COL22A1: variants seen among roughly 807,000 people sequenced by gnomAD.
COL22A1 encodes collagen type XXII alpha 1 chain, also known as collagen alpha-1(XXII) chain.
In COL22A1, 221 loss-of-function variants were observed where a neutral mutation model predicts 248.9. The observed-to-expected ratio is 0.89, with a 90% CI of 0.80 to 0.99. The LOEUF (loss-of-function observed/expected upper bound fraction) is 0.99. Among genes scored for constraint, COL22A1 ranks in the 50% least tolerant of loss-of-function variants. The pLI is 0.00. For synonymous variants in COL22A1, 891 were observed against 793.4 expected, an observed-to-expected ratio of 1.12 and a Z score of -2.07; for missense variants, 2,240 against 2,179.0, an observed-to-expected ratio of 1.03 and a Z score of -0.56.
Position 138,755,171 on chromosome 8 carries a change from G to A in COL22A1, c.2017C>T (p.Pro673Ser). Residue 673 changes from proline to serine, a missense_variant, in exon 21 of 65, where the codon CCT (proline) becomes TCT (serine). Physicochemically the swap from Pro to Ser is moderately conservative, Grantham distance 74. Transcript: ENST00000303045. Reference protein sequence around the residue: ...GPRGHQGAPGPPGARGPIGPE... With the variant: ...GPRGHQGAPGSPGARGPIGPE... ...GGACAACTTACCCGAGCTCCTGGAG[G>A]ACCGGGGGCGCCTTGGTGACCTCTG... 1 of 1,614,124 alleles carries A rather than the reference G, an allele frequency of 6.2e-7. No homozygotes were observed. Among genetic ancestry groups the A allele is most frequent in the Non-Finnish European group, 8.5e-7 (1 of 1,179,996 alleles).
At chr8:138,652,919 G>A (rs1822890073) in intron 45 of COL22A1, among the ~76,000 whole-genome samples, 1 of 151,360 alleles carries the variant, frequency 6.6e-6, no homozygotes, top group African/African-American at 2.4e-5. Context: ...ACTAATTTTT[G>A]TATTTTTAGT....
chr8:138,769,105 G>C (rs1586697343), intron 16 of COL22A1, among the ~76,000 whole-genome samples: 1 of 151,954 alleles, frequency 6.6e-6, no homozygotes, highest in East Asian at 1.9e-4. Flanking sequence ...GGCTCTCCTT[G>C]TCCTATACTT....
intron 46 of COL22A1, among the ~76,000 whole-genome samples, chr8:138,648,132 A>T (rs1822370526): frequency 6.6e-6 from 1 of 152,382 alleles, no homozygotes; most frequent in Admixed American, 6.5e-5. Flanking sequence ...TAAGCTGATC[A>T]CCAGGAGAAT....
chr8:138,758,227 C>G (rs1833185373), intron 18 of COL22A1, among the ~76,000 whole-genome samples: 1 of 152,188 alleles, frequency 6.6e-6, no homozygotes, highest in Non-Finnish European at 1.5e-5. Context: ...TTCTCCAGCA[C>G]CAGTGGACCC....
chr8:138,883,122 C>T lies in COL22A1; in HGVS notation c.51G>A (p.Leu17=). Residue 17 remains leucine, a synonymous_variant, in exon 2 of 65, where the codon CTG becomes CTA. Coordinates refer to ENST00000303045, the MANE Select transcript of COL22A1 (RefSeq NM_152888.3). ...GGCAGCCGCCGCCCCCACTCCACAG[C>T]AGCAGCATCCAGAGGAGGCCAGCCA... is the stretch of plus-strand genomic sequence containing the variant. ...NAVAGLLWML[L]LWSGGGGCQA... is the part of the protein sequence containing the mutation. 1 of 1,599,016 alleles carries T rather than the reference C, an allele frequency of 6.3e-7. No individual in the cohort carries two copies. The highest frequency in any genetic ancestry group is 8.5e-7 in the Non-Finnish European group (1 of 1,173,820).
intron 18 of COL22A1, among the ~76,000 whole-genome samples, chr8:138,757,534 T>G (rs1056049021): frequency 5.9e-5 from 9 of 152,154 alleles, no homozygotes; most frequent in African/African-American, 2.2e-4. Context: ...TTAATTACTC[T>G]CAACTCACCA....
intron 32 of COL22A1, among the ~76,000 whole-genome samples, chr8:138,698,381 C>A (rs1564210668): frequency 6.6e-6 from 1 of 152,210 alleles, no homozygotes; most frequent in African/African-American, 2.4e-5. Flanking sequence ...CCTAGCACCT[C>A]TGAGCTGCAG....
intron 50 of COL22A1, among the ~76,000 whole-genome samples, chr8:138,627,421 G>A (rs1820334127): frequency 6.6e-6 from 1 of 152,026 alleles, no homozygotes; most frequent in Admixed American, 6.5e-5. Context: ...TTTGCTAATT[G>A]GTTCTTTATG....
At chr8:138,691,947 T>C (rs1827001711) in intron 35 of COL22A1, among the ~76,000 whole-genome samples, 1 of 95,950 alleles carries the variant, frequency 1.0e-5, no homozygotes, top group Non-Finnish European at 2.0e-5. Context: ...TGTACGTGTG[T>C]GCATGTTTGT....
intron 5 of COL22A1, among the ~76,000 whole-genome samples, chr8:138,829,413 T>TGTTTTG (rs1006963277): frequency 7.1e-6 from 1 of 140,108 alleles, no homozygotes; most frequent in African/African-American, 2.6e-5. Context: ...GTTTTTTTTT[T>TGTTTTG]TTTTTTTTTT....
intron 16 of COL22A1, among the ~76,000 whole-genome samples, chr8:138,764,047 C>T (rs1198030079): frequency 6.6e-6 from 1 of 152,178 alleles, no homozygotes; most frequent in Admixed American, 6.5e-5. Flanking sequence ...TCTTTATAAC[C>T]TCATTTCCCA....
At chr8:138,722,860 G>GC (rs1829994619) in intron 25 of COL22A1, among the ~76,000 whole-genome samples, 1 of 90,138 alleles carries the variant, frequency 1.1e-5, no homozygotes, top group African/African-American at 4.0e-5. Context: ...CGGGGGGGGG[G>GC]TGGTGGAAAA....
At chr8:138,680,195 G>T (rs1235479558) in intron 39 of COL22A1, among the ~76,000 whole-genome samples, 1 of 152,244 alleles carries the variant, frequency 6.6e-6, no homozygotes, top group Non-Finnish European at 1.5e-5. Context: ...CGGTAGCACA[G>T]TGTCCAAGGA....
chr8:138,796,883 T>C, intron 11 of COL22A1, 26 bp from the exon 12 acceptor site: 1 of 1,503,124 alleles, frequency 6.7e-7, no homozygotes, highest in East Asian at 2.2e-5. Context: ...AAGGCAAAGA[T>C]TCACTACAGA....
chr8:138,637,452 G>T (rs78222912), intron 47 of COL22A1, among the ~76,000 whole-genome samples: 1 of 152,114 alleles, frequency 6.6e-6, no homozygotes, highest in African/African-American at 2.4e-5. Context: ...CAAGTTGTTC[G>T]TTTGTTTTGT....
At chr8:138,703,887 G>A (rs895475607) in intron 30 of COL22A1, among the ~76,000 whole-genome samples, 17 of 152,182 alleles carry the variant, frequency 1.1e-4, no homozygotes, top group African/African-American at 2.2e-4. Context: ...AAGGGAACCC[G>A]TGACAGATTG....
chr8:138,668,580 A>G (rs1236861692), intron 41 of COL22A1, among the ~76,000 whole-genome samples: 1 of 152,210 alleles, frequency 6.6e-6, no homozygotes, highest in East Asian at 1.9e-4. Context: ...AGGCTGTTCT[A>G]AAAACCAGCT....
rs183178472 is a variant in COL22A1 at position 138,893,936 on chromosome 8, T to A, written c.-72-10692A>T. The stretch of plus-strand genomic sequence containing the variant: ...AGGGAAGGCTTCCTGGAGGAGGTGA[T>A]GCCTGAGCTGAGTCTGGAAAGATGA... On this transcript the variant is annotated intron_variant, in intron 1 of 64. Coordinates refer to ENST00000303045, the MANE Select transcript of COL22A1 (RefSeq NM_152888.3). Among the ~76,000 whole-genome samples the A allele has an allele frequency of 1.6e-3, 243 of 152,262 alleles. 1 individual carries two copies. Among genetic ancestry groups the A allele is most frequent in the South Asian group, 8.5e-3 (41 of 4,822 alleles).
At chr8:138,726,157 G>A (rs1045281879) in intron 23 of COL22A1, among the ~76,000 whole-genome samples, 3 of 152,026 alleles carry the variant, frequency 2.0e-5, no homozygotes, top group African/African-American at 7.3e-5. Context: ...CTTGGTTGAG[G>A]GGGAGGGCTG....
Sources: gnomAD v4.1 joint callset for allele counts (sites outside exome capture counted in the v4.1 genomes callset) on GRCh38, gnomAD v4.1.1 for gene constraint, MANE v1.5 for transcripts, NCBI Gene and HGNC (gene_info 2026-07-23, HGNC 2026-07-21) for gene names.